CCDC28A: variants seen among roughly 807,000 people sequenced by gnomAD.
CCDC28A encodes coiled-coil domain-containing protein 28A.
In CCDC28A, 24 loss-of-function variants were observed where a neutral mutation model predicts 22.1. The observed-to-expected ratio is 1.09, with a 90% CI of 0.79 to 1.53. The LOEUF is 1.53. Ranked by LOEUF, CCDC28A falls within the 40% of genes most tolerant of loss-of-function variation. The pLI is 0.00. For synonymous variants in CCDC28A, 83 were observed against 74.7 expected (o/e 1.11, Z -0.57); for missense variants, 170 against 210.7 (o/e 0.81, Z 1.20).
At chr6:138,776,423 A>T in intron 2 of CCDC28A, 145 bp downstream of exon 2, 1 of 651,002 alleles carries the variant, frequency 1.5e-6, no homozygotes. Context: ...AGAAAAATTT[A>T]TGAAAGTTAC....
At chr6:138,787,220 C>G (rs1168771065) in intron 4 of CCDC28A, among the ~76,000 whole-genome samples, 2 of 152,006 alleles carry the variant, frequency 1.3e-5, no homozygotes, top group South Asian at 2.1e-4. Context: ...GGAGATGGGG[C>G]CTTTGGGAGG....
chr6:138,785,301 C>G lies in CCDC28A; in HGVS notation c.397C>G (p.Leu133Val). Reference sequence around the variant, plus strand: ...GAAATTAGCTCGCTTGAATTTGGAGCTCTATGGGGAGTTAGAGGAACTTCC... The same window carrying G: ...GAAATTAGCTCGCTTGAATTTGGAGGTCTATGGGGAGTTAGAGGAACTTCC... ...QEKLARLNLELYGELEELPED... is the reference protein window; with the variant it reads ...QEKLARLNLEVYGELEELPED... The change falls in exon 4 of 6, where the codon CTC (leucine) becomes GTC (valine). Residue 133 changes from leucine (L) to valine (V), a missense_variant. Leu to Val is a conservative substitution (Grantham distance 32, BLOSUM62 1). Transcript: ENST00000617445. 6.2e-7 allele frequency: 1 copy of G among 1,612,982 alleles called. No individual in the cohort carries two copies. Among genetic ancestry groups the G allele is most frequent in the Non-Finnish European group, 8.5e-7 (1 of 1,179,094 alleles).
rs1562442326 is a variant in CCDC28A at position 138,793,298 on chromosome 6, T to TAA, written c.*497_*498dup. 1 of 153,908 alleles carries TAA rather than the reference T, an allele frequency of 6.5e-6. No homozygotes were observed. Among genetic ancestry groups the TAA allele is most frequent in the Non-Finnish European group, 1.5e-5 (1 of 68,962 alleles). 9.5% of individuals were successfully genotyped at this position (153,908 alleles called of 1,614,324 possible). Reference sequence around the variant, plus strand: ...ATTTGTGAGATTTGCTATTTTTTAATAAAGTAATTGTTTTAAATTAATCTC... The same window carrying TAA: ...ATTTGTGAGATTTGCTATTTTTTAATAAAAAGTAATTGTTTTAAATTAATCTC... On this transcript the variant is annotated 3_prime_UTR_variant, in exon 6 of 6. Transcript: ENST00000617445.
At chr6:138,778,848 A>G (rs1290214872) in intron 2 of CCDC28A, among the ~76,000 whole-genome samples, 1 of 151,600 alleles carries the variant, frequency 6.6e-6, no homozygotes, top group African/African-American at 2.4e-5. Flanking sequence ...ACTCACTGCA[A>G]CCTCCACCTC....
At chr6:138,790,465 T>C (rs1280100423) in intron 5 of CCDC28A, among the ~76,000 whole-genome samples, 1 of 152,230 alleles carries the variant, frequency 6.6e-6, no homozygotes, top group Non-Finnish European at 1.5e-5. Context: ...TTGTGAGTTT[T>C]TGTTAAACAT....
intron 4 of CCDC28A, among the ~76,000 whole-genome samples, chr6:138,787,957 CTTTTTTTTTTT>C (rs397886393): frequency 1.2e-5 from 1 of 85,294 alleles, no homozygotes; most frequent in Non-Finnish European, 2.3e-5. Flanking sequence ...TTACAGAAAG[CTTTTTTTTTTT>C]TTTTTTTTTT....
chr6:138,778,252 T>C (rs1240535232), intron 2 of CCDC28A, among the ~76,000 whole-genome samples: 1 of 152,208 alleles, frequency 6.6e-6, no homozygotes, highest in Non-Finnish European at 1.5e-5. Flanking sequence ...TATGTTAAAA[T>C]TGAGTACTGA....
Position 138,779,856 on chromosome 6 carries a change from G to T in CCDC28A, c.193G>T (p.Glu65Ter). 6.2e-7 allele frequency: 1 copy of T among 1,613,054 alleles called. No individual in the cohort carries two copies. The highest frequency in any genetic ancestry group is 8.5e-7 in the Non-Finnish European group (1 of 1,179,510). ...AGAAAAGACCAAACCTCAGGGTGGA[G>T]AGGGCAAAGGCGCTCAGTCAACTCC... is the stretch of plus-strand genomic sequence containing the variant. ...MKEKTKPQGG[E>*]GKGAQSTPIQ... The change falls in exon 3 of 6, where the codon GAG (glutamate) becomes TAG (stop). Residue 65 changes from glutamate to a stop codon, truncating the protein, a stop_gained. Transcript: ENST00000617445. LOFTEE classifies it high-confidence loss of function.
chr6:138,785,493 G>C lies in CCDC28A; in HGVS notation c.477+112G>C, dbSNP rs531738683. ...TCACGTGGTTGCTAGCGTATTCACA[G>C]TGTTGTGCCGATCGCTGTTGAATTG... On this transcript the variant is annotated intron_variant, in intron 4 of 5. Coordinates refer to ENST00000617445, the MANE Select transcript of CCDC28A (RefSeq NM_015439.3). The C allele has an allele frequency of 4.1e-6, 3 of 737,186 alleles. No homozygotes were observed. The South Asian group carries it at 5.8e-5, about 14-fold the overall frequency. 45.7% of individuals were successfully genotyped at this position (737,186 alleles called of 1,614,324 possible). A position where few individuals can be genotyped will look rare whatever the true frequency, so the allele number is the denominator to read the frequency against.
At chr6:138,774,044 T>A in intron 1 of CCDC28A, 142 bp downstream of exon 1, 1 of 1,008,540 alleles carries the variant, frequency 9.9e-7, no homozygotes. Context: ...TCAAGAGGGA[T>A]GCCCAGTGGT....
intron 4 of CCDC28A, among the ~76,000 whole-genome samples, chr6:138,785,903 G>A (rs1240522332): frequency 6.6e-6 from 1 of 152,150 alleles, no homozygotes; most frequent in Non-Finnish European, 1.5e-5. Context: ...TACATTTTGT[G>A]TTATTTACTC....
At chr6:138,785,110 A>T in intron 3 of CCDC28A, 117 bp from the exon 4 acceptor site, 1 of 582,352 alleles carries the variant, frequency 1.7e-6, no homozygotes, top group Non-Finnish European at 2.9e-6. Context: ...TGATTATCTA[A>T]TTTACAGAAG....
chr6:138,775,319 C>A (rs1307939857), intron 1 of CCDC28A, among the ~76,000 whole-genome samples: 2 of 152,162 alleles, frequency 1.3e-5, no homozygotes. Flanking sequence ...AACTAGGAGG[C>A]CTTACACGTA....
chr6:138,784,652 T>C (rs1046818069), intron 3 of CCDC28A, among the ~76,000 whole-genome samples: 5 of 152,050 alleles, frequency 3.3e-5, no homozygotes, highest in African/African-American at 1.2e-4. Flanking sequence ...TGAGCCACCA[T>C]GCCCAGCCTG....
chr6:138,777,028 T>C (rs72985038), intron 2 of CCDC28A, among the ~76,000 whole-genome samples: 11 of 152,198 alleles, frequency 7.2e-5, no homozygotes, highest in Non-Finnish European at 1.5e-4. Flanking sequence ...CTATGTTATA[T>C]GTTACTGTTA....
chr6:138,782,357 A>C (rs1775033765), intron 3 of CCDC28A, among the ~76,000 whole-genome samples: 1 of 152,138 alleles, frequency 6.6e-6, no homozygotes, highest in Non-Finnish European at 1.5e-5. Flanking sequence ...ATTTTCCAGG[A>C]TATGCTTAGG....
chr6:138,782,339 G>A (rs969257961), intron 3 of CCDC28A, among the ~76,000 whole-genome samples: 3 of 152,062 alleles, frequency 2.0e-5, no homozygotes, highest in African/African-American at 7.2e-5. Flanking sequence ...TATCTTTAAA[G>A]GTTAGGCATT....
rs34538642 is a variant in CCDC28A at position 138,773,799 on chromosome 6, C to A, written c.-146C>A. The A allele has an allele frequency of 9.5e-3, 15,271 of 1,613,826 alleles. 1,243 individuals are homozygous for A. The African/African-American group carries it at 0.18, about 19-fold the overall frequency. On this transcript the variant is annotated 5_prime_UTR_variant, in exon 1 of 6. Coordinates refer to ENST00000617445, the MANE Select transcript of CCDC28A (RefSeq NM_015439.3). ...CAAACGGAGCTGCGGAGGAGCGGGT[C>A]CCGGGATGTGACCGGGGCTCTGCTT...
chr6:138,782,437 C>A (rs1775034517), intron 3 of CCDC28A, among the ~76,000 whole-genome samples: 2 of 152,142 alleles, frequency 1.3e-5, no homozygotes, highest in Admixed American at 1.3e-4. Flanking sequence ...CATCTTTCAT[C>A]TCACGTAACA....
Sources: allele counts gnomAD v4.1 joint callset (sites outside exome capture counted in the v4.1 genomes callset), GRCh38; gene constraint gnomAD v4.1.1; transcripts MANE v1.5; gene names NCBI Gene and HGNC (gene_info 2026-07-23, HGNC 2026-07-21).